Variants in TTC28 observed in about 807,000 individuals in gnomAD.
TTC28 encodes the protein tetratricopeptide repeat domain 28.
Under a neutral mutation model 198.0 loss-of-function variants are expected in TTC28, and 61 were observed. The observed-to-expected ratio is 0.31, with a 90% CI of 0.25 to 0.38. The LOEUF is 0.38. Among genes scored for constraint, TTC28 ranks in the 10% least tolerant of loss-of-function variants. The probability of loss-of-function intolerance (pLI) is 1.00; values close to 1 mark genes in which losing one functional copy is unlikely to be tolerated. For synonymous variants in TTC28, 1,171 were observed against 1,297.8 expected, an observed-to-expected ratio of 0.90 and a Z score of 2.10; for missense variants, 2,678 against 3,164.0, an observed-to-expected ratio of 0.85 and a Z score of 3.69.
At chr22:28,493,076 G>A (rs1352065276) in intron 2 of TTC28, among the ~76,000 whole-genome samples, 3 of 151,178 alleles carry the variant, frequency 2.0e-5, no homozygotes, top group Admixed American at 2.0e-4. Flanking sequence ...AAAAGTTTTG[G>A]CTGGGTGCAG....
chr22:28,092,598 C>A (rs899270495), intron 12 of TTC28, among the ~76,000 whole-genome samples: 1 of 152,164 alleles, frequency 6.6e-6, no homozygotes, highest in Non-Finnish European at 1.5e-5. Context: ...CTAACTCTCA[C>A]TTTGGACATG....
At chr22:28,316,750 A>T (rs770796342) in intron 2 of TTC28, among the ~76,000 whole-genome samples, 5 of 152,132 alleles carry the variant, frequency 3.3e-5, no homozygotes, top group Admixed American at 6.6e-5. Flanking sequence ...CCAGTATGAA[A>T]TATGATTGAA....
chr22:28,562,737 C>T (rs1358814539), intron 2 of TTC28, among the ~76,000 whole-genome samples: 7 of 152,136 alleles, frequency 4.6e-5, no homozygotes, highest in Admixed American at 4.6e-4. Flanking sequence ...CAAATCTTAC[C>T]ATCAAAAATT....
rs1184870973 is a variant in TTC28 at position 28,547,194 on chromosome 22, ATGTGTGTATGTGTGTGTGTGAGTG to A, written c.381+82334_381+82357del. Among the ~76,000 whole-genome samples, 4 of 150,866 alleles carry A rather than the reference ATGTGTGTATGTGTGTGTGTGAGTG, an allele frequency of 2.7e-5. No homozygotes were observed. The East Asian group carries it at 7.7e-4, about 29-fold the overall frequency. On this transcript the variant is annotated intron_variant, in intron 2 of 22. Transcript: ENST00000397906. ...AAAGTGATTTTTAAGATCTCTCTGC[ATGTGTGTATGTGTGTGTGTGAGTG>A]TGTGTGTGTGTGTGTGTCTTATGCA...
chr22:28,001,344 C>T (rs753735927), intron 15 of TTC28, 30 bp downstream of exon 15: 2 of 1,529,302 alleles, frequency 1.3e-6, no homozygotes, highest in Non-Finnish European at 1.8e-6. Flanking sequence ...AAACAAGCCC[C>T]CGGCCCCCCA....
At chr22:28,409,863 G>T (rs1358266261) in intron 2 of TTC28, among the ~76,000 whole-genome samples, 1 of 151,218 alleles carries the variant, frequency 6.6e-6, no homozygotes, top group Non-Finnish European at 1.5e-5. Context: ...TCACCATGTT[G>T]GCCAGGATGG....
intron 12 of TTC28, among the ~76,000 whole-genome samples, chr22:28,068,396 A>G (rs1455537822): frequency 6.6e-6 from 1 of 152,204 alleles, no homozygotes; most frequent in Non-Finnish European, 1.5e-5. Context: ...ACTAGGTACT[A>G]TGTGCAAAAA....
chr22:28,478,296 T>C (rs970978090), intron 2 of TTC28, among the ~76,000 whole-genome samples: 6 of 152,058 alleles, frequency 3.9e-5, no homozygotes, highest in Non-Finnish European at 8.8e-5. Flanking sequence ...TCACCTGAGG[T>C]CAGGTGATCA....
chr22:28,674,798 G>A (rs937376213), intron 1 of TTC28, among the ~76,000 whole-genome samples: 1 of 143,512 alleles, frequency 7.0e-6, no homozygotes, highest in African/African-American at 2.6e-5. Flanking sequence ...CAGCCTGGGC[G>A]ATGGCGAGAC....
At chr22:28,476,095 C>T (rs2048161824) in intron 2 of TTC28, among the ~76,000 whole-genome samples, 1 of 152,092 alleles carries the variant, frequency 6.6e-6, no homozygotes, top group Non-Finnish European at 1.5e-5. Flanking sequence ...ATAAAGCAAT[C>T]CAAGACCAGG....
intron 9 of TTC28, 25 bp from the exon 10 acceptor site, chr22:28,099,069 A>G: frequency 6.4e-7 from 1 of 1,551,580 alleles, no homozygotes; most frequent in Non-Finnish European, 8.7e-7. Flanking sequence ...GAAGAACATC[A>G]TCCATTCCCC....
At chr22:28,264,853 A>G (rs1455069193) in intron 5 of TTC28, among the ~76,000 whole-genome samples, 1 of 152,174 alleles carries the variant, frequency 6.6e-6, no homozygotes, top group Non-Finnish European at 1.5e-5. Context: ...TAAAAGCAAG[A>G]TCCAGGTTGA....
At chr22:28,581,351 C>A (rs1392588207) in intron 2 of TTC28, among the ~76,000 whole-genome samples, 3 of 152,260 alleles carry the variant, frequency 2.0e-5, no homozygotes, top group Middle Eastern at 3.4e-3. Flanking sequence ...TTATAAATTA[C>A]CCAGCGTTAG....
chr22:28,305,369 C>T (rs947112638), intron 3 of TTC28, among the ~76,000 whole-genome samples: 1 of 152,032 alleles, frequency 6.6e-6, no homozygotes, highest in Non-Finnish European at 1.5e-5. Flanking sequence ...TTTATAAAAT[C>T]GCATGACACT....
At chr22:28,032,236 AT>A (rs1939147759) in intron 12 of TTC28, among the ~76,000 whole-genome samples, 3 of 107,446 alleles carry the variant, frequency 2.8e-5, no homozygotes, top group South Asian at 5.7e-4. Context: ...TATATATAAA[AT>A]ATATATATAT....
intron 2 of TTC28, among the ~76,000 whole-genome samples, chr22:28,370,522 A>T (rs1177096241): frequency 6.6e-6 from 1 of 152,250 alleles, no homozygotes; most frequent in African/African-American, 2.4e-5. Context: ...TATCTTGTCC[A>T]ATCTCATATT....
At chr22:28,131,616 T>C (rs1034511197) in intron 6 of TTC28, among the ~76,000 whole-genome samples, 2 of 152,206 alleles carry the variant, frequency 1.3e-5, no homozygotes, top group South Asian at 4.1e-4. Flanking sequence ...TTTGAACCAC[T>C]GTAAAGTCGA....
chr22:28,488,025 C>T (rs1359127621), intron 2 of TTC28, among the ~76,000 whole-genome samples: 1 of 152,142 alleles, frequency 6.6e-6, no homozygotes, highest in Admixed American at 6.6e-5. Context: ...GCACAGTGCT[C>T]GCTTATCTAA....
intron 2 of TTC28, among the ~76,000 whole-genome samples, chr22:28,366,462 G>A (rs566256209): frequency 3.2e-4 from 49 of 151,852 alleles, no homozygotes; most frequent in African/African-American, 7.0e-4. Context: ...AGATCATAGC[G>A]GTTAGGAAAA....
Sources: allele counts gnomAD v4.1 joint callset (sites outside exome capture counted in the v4.1 genomes callset), GRCh38; gene constraint gnomAD v4.1.1; transcripts MANE v1.5; gene names NCBI Gene and HGNC (gene_info 2026-07-23, HGNC 2026-07-21).